The following FAR2 variants were observed in gnomAD, a reference collection of about 807,000 sequenced individuals.
The protein encoded by FAR2 is epididymis secretory protein Li 81.
In FAR2, 19 loss-of-function variants were observed where a neutral mutation model predicts 56.0. The ratio of observed to expected loss-of-function variants is 0.34; its 90% CI spans 0.24 to 0.50. The LOEUF is 0.50. Ranked by LOEUF, FAR2 falls within the 20% of genes least tolerant of loss-of-function variation. The pLI, the probability that FAR2 is intolerant of heterozygous loss-of-function variation, is 0.98. For synonymous variants in FAR2, 219 were observed against 218.8 expected (o/e 1.00, Z -0.01); for missense variants, 508 against 642.2 (o/e 0.79, Z 2.26).
At chr12:29,236,613 A>C (rs746639365) in intron 1 of FAR2, among the ~76,000 whole-genome samples, 16 of 152,142 alleles carry the variant, frequency 1.1e-4, no homozygotes, top group Non-Finnish European at 1.9e-4. Flanking sequence ...AGATCTCATG[A>C]GAATTCACTC....
intron 1 of FAR2, among the ~76,000 whole-genome samples, chr12:29,201,203 T>C (rs1335303707): frequency 1.3e-5 from 2 of 152,208 alleles, no homozygotes; most frequent in Admixed American, 6.5e-5. Context: ...TCATTCCTCT[T>C]ACTGTTTCAC....
chr12:29,190,835 A>G (rs1043538852), intron 1 of FAR2, among the ~76,000 whole-genome samples: 27 of 152,136 alleles, frequency 1.8e-4, no homozygotes, highest in African/African-American at 6.0e-4. Context: ...TTCCACTGAC[A>G]ATCAGAAGAA....
At chr12:29,227,156 G>T (rs899959670) in intron 1 of FAR2, among the ~76,000 whole-genome samples, 2 of 152,140 alleles carry the variant, frequency 1.3e-5, no homozygotes, top group Non-Finnish European at 2.9e-5. Context: ...GGCACCTTAC[G>T]TGCCTATAAT....
chr12:29,205,044 T>A (rs571663730), intron 1 of FAR2, among the ~76,000 whole-genome samples: 3 of 152,342 alleles, frequency 2.0e-5, no homozygotes, highest in African/African-American at 7.2e-5. Context: ...TTTTTCTTGA[T>A]GGAATCTTAG....
chr12:29,196,063 G>A (rs528448263), intron 1 of FAR2, among the ~76,000 whole-genome samples: 2 of 152,072 alleles, frequency 1.3e-5, no homozygotes, highest in African/African-American at 4.8e-5. Flanking sequence ...GTATTCCATT[G>A]TGTACATGAC....
intron 1 of FAR2, among the ~76,000 whole-genome samples, chr12:29,239,802 A>C (rs1003824604): frequency 6.6e-6 from 1 of 152,230 alleles, no homozygotes; most frequent in South Asian, 2.1e-4. Flanking sequence ...GATGATTAAT[A>C]TATATCCTCT....
intron 1 of FAR2, among the ~76,000 whole-genome samples, chr12:29,256,544 A>C (rs942041217): frequency 3.3e-5 from 5 of 152,152 alleles, no homozygotes; most frequent in Admixed American, 6.5e-5. Context: ...CTTTGGCGGC[A>C]CTTGAGGAGC....
At chr12:29,263,974 C>G (rs1565494824) in intron 1 of FAR2, among the ~76,000 whole-genome samples, 1 of 152,028 alleles carries the variant, frequency 6.6e-6, no homozygotes. Flanking sequence ...CAGTATTACC[C>G]TGATACCAAA....
At chr12:29,301,241 C>T (rs1451873443) in intron 4 of FAR2, among the ~76,000 whole-genome samples, 1 of 152,112 alleles carries the variant, frequency 6.6e-6, no homozygotes, top group East Asian at 1.9e-4. Flanking sequence ...CAAGCCTGGC[C>T]GTTAATCAGT....
chr12:29,294,570 A>T (rs7134744), intron 3 of FAR2, among the ~76,000 whole-genome samples: 18,206 of 152,130 alleles, frequency 0.12, 1,254 homozygotes, highest in Middle Eastern at 0.24. Flanking sequence ...GGCTGGTCTC[A>T]AACTCCTGAC....
chr12:29,307,589 G>C, intron 4 of FAR2, 69 bp from the exon 5 acceptor site: 1 of 1,444,250 alleles, frequency 6.9e-7, no homozygotes, highest in Non-Finnish European at 9.3e-7. Flanking sequence ...GTTTGATTGT[G>C]TCTCACATTT....
intron 9 of FAR2, among the ~76,000 whole-genome samples, chr12:29,320,584 T>A (rs1248118310): frequency 6.6e-6 from 1 of 152,194 alleles, no homozygotes; most frequent in Non-Finnish European, 1.5e-5. Context: ...ACTATAGTAA[T>A]CACTACTGCC....
At chr12:29,316,067 G>A (rs897597526) in intron 8 of FAR2, among the ~76,000 whole-genome samples, 1 of 151,708 alleles carries the variant, frequency 6.6e-6, no homozygotes, top group African/African-American at 2.4e-5. Flanking sequence ...ATTTTAGCTG[G>A]TATTTTTTTA....
chr12:29,316,906 A>C lies in FAR2; in HGVS notation c.1021A>C (p.Asn341His). The C allele has an allele frequency of 1.2e-6, 2 of 1,614,086 alleles. No individual in the cohort carries two copies. The highest frequency in any genetic ancestry group is 1.7e-6 in the Non-Finnish European group (2 of 1,179,982). ...FERPFRRPNA[N>H]FTSNSFTSQY... The stretch of plus-strand genomic sequence containing the variant: ...GAGACCTTTCAGGAGGCCAAATGCT[A>C]ATTTTACCAGCAACAGCTTCACATC... Residue 341 changes from asparagine (N) to histidine (H), a missense_variant, in exon 9 of 12, where the codon AAT becomes CAT. Physicochemically the swap from Asn to His is moderately conservative, Grantham distance 68 (BLOSUM62 1). Coordinates refer to ENST00000536681, the MANE Select transcript of FAR2 (RefSeq NM_001271783.2).
intron 10 of FAR2, among the ~76,000 whole-genome samples, chr12:29,326,364 T>C (rs566259486): frequency 1.4e-3 from 207 of 152,196 alleles, no homozygotes; most frequent in Middle Eastern, 3.4e-3. Flanking sequence ...ACTATTCCAA[T>C]CAATAGAAAA....
intron 4 of FAR2, among the ~76,000 whole-genome samples, chr12:29,302,562 G>A (rs1285559877): frequency 6.6e-6 from 1 of 152,050 alleles, no homozygotes; most frequent in Admixed American, 6.5e-5. Context: ...AAGCTGGAGG[G>A]GAGGATGGGC....
chr12:29,311,777 C>A, intron 7 of FAR2, 106 bp from the exon 8 acceptor site: 1 of 768,246 alleles, frequency 1.3e-6, no homozygotes, highest in Non-Finnish European at 2.1e-6. Flanking sequence ...TTGCCTTAAT[C>A]AGATGAATTA....
chr12:29,309,164 A>G (rs774447605), intron 5 of FAR2, 22 bp from the exon 6 acceptor site: 6 of 1,564,710 alleles, frequency 3.8e-6, no homozygotes, highest in Non-Finnish European at 3.5e-6. Flanking sequence ...TGTGTAACCA[A>G]TAGAAATCTT....
intron 1 of FAR2, among the ~76,000 whole-genome samples, chr12:29,192,925 A>T (rs958110873): frequency 6.6e-6 from 1 of 152,214 alleles, no homozygotes; most frequent in Non-Finnish European, 1.5e-5. Context: ...TTTATATACA[A>T]ATGTGTAATT....
Sources: allele counts gnomAD v4.1 joint callset (sites outside exome capture counted in the v4.1 genomes callset), GRCh38; gene constraint gnomAD v4.1.1; transcripts MANE v1.5; gene names NCBI Gene and HGNC (gene_info 2026-07-23, HGNC 2026-07-21).